The following ZNF565 variants were observed in gnomAD, a reference collection of about 807,000 sequenced individuals.
ZNF565 encodes the protein zinc finger protein 565.
Under a neutral mutation model 39.4 loss-of-function variants are expected in ZNF565, and 27 were observed. The observed-to-expected ratio is 0.69, with a 90% CI of 0.51 to 0.95. The LOEUF is 0.95. ZNF565 is among the 40% of genes least tolerant of loss of function. The pLI is 0.00. For synonymous variants in ZNF565, 185 were observed against 216.6 expected, an observed-to-expected ratio of 0.85 and a Z score of 1.28; for missense variants, 524 against 621.1, an observed-to-expected ratio of 0.84 and a Z score of 1.66.
chr19:36,183,233 G>C lies in ZNF565; in HGVS notation c.733C>G (p.His245Asp). Residue 245 changes from histidine to aspartate, a missense_variant, in exon 5 of 5, where the codon CAT becomes GAT. His to Asp is a moderately conservative substitution (Grantham distance 81, BLOSUM62 -1). Coordinates refer to ENST00000304116, the MANE Select transcript of ZNF565 (RefSeq NM_152477.5). Reference sequence around the variant, plus strand: ...CATTCATAAGGTTTGACACCAGTATGAAGTCTCTGATGTAGAATAAGTTCT... The same window carrying C: ...CATTCATAAGGTTTGACACCAGTATCAAGTCTCTGATGTAGAATAAGTTCT... Reference protein sequence around the residue: ...TSELILHQRLHTGVKPYECKE... With the variant: ...TSELILHQRLDTGVKPYECKE... 6.2e-7 allele frequency: 1 copy of C among 1,614,100 alleles called. No homozygotes were observed. The highest frequency in any genetic ancestry group is 8.5e-7 in the Non-Finnish European group (1 of 1,180,042).
At chr19:36,192,165 T>A (rs1975579731) in intron 4 of ZNF565, among the ~76,000 whole-genome samples, 1 of 151,980 alleles carries the variant, frequency 6.6e-6, no homozygotes, top group Non-Finnish European at 1.5e-5. Flanking sequence ...ATTTTTATAT[T>A]TTCAGTAGAG....
intron 1 of ZNF565, among the ~76,000 whole-genome samples, chr19:36,227,834 T>A (rs1165089167): frequency 1.3e-5 from 2 of 152,132 alleles, no homozygotes; most frequent in African/African-American, 4.8e-5. Context: ...GGATTATAGG[T>A]GTGAGCCACT....
At chr19:36,241,069 G>C (rs142767634) in intron 1 of ZNF565, among the ~76,000 whole-genome samples, 18 of 152,248 alleles carry the variant, frequency 1.2e-4, no homozygotes, top group African/African-American at 4.1e-4. Flanking sequence ...ATATGTTCTT[G>C]TTCCTTATAC....
At chr19:36,222,282 A>C (rs1202818138) in intron 1 of ZNF565, among the ~76,000 whole-genome samples, 4 of 152,190 alleles carry the variant, frequency 2.6e-5, no homozygotes, top group Non-Finnish European at 5.9e-5. Flanking sequence ...CTGCTGTATA[A>C]ATAAGATGTC....
chr19:36,201,184 C>T (rs1203898547), intron 2 of ZNF565, among the ~76,000 whole-genome samples: 1 of 151,946 alleles, frequency 6.6e-6, no homozygotes, highest in Non-Finnish European at 1.5e-5. Flanking sequence ...TGGCTCTGGT[C>T]CTAGCTACTT....
intron 3 of ZNF565, chr19:36,194,657 T>G: frequency 4.3e-6 from 2 of 461,200 alleles, no homozygotes; most frequent in Non-Finnish European, 8.0e-6. Flanking sequence ...CTCCAATCTA[T>G]TCCTTGATGC....
At chr19:36,233,934 G>A (rs1300823757) in intron 1 of ZNF565, among the ~76,000 whole-genome samples, 2 of 152,080 alleles carry the variant, frequency 1.3e-5, no homozygotes, top group Non-Finnish European at 2.9e-5. Context: ...ACTGGGGGAC[G>A]GTCAGGTCTT....
chr19:36,186,272 T>G (rs1401681393), intron 4 of ZNF565, among the ~76,000 whole-genome samples: 3 of 152,220 alleles, frequency 2.0e-5, no homozygotes. Context: ...GTATTGGGAT[T>G]ACAGGCGTCA....
chr19:36,244,226 T>G (rs1332998077), intron 1 of ZNF565, among the ~76,000 whole-genome samples: 2 of 152,168 alleles, frequency 1.3e-5, no homozygotes, highest in South Asian at 2.1e-4. Context: ...TCTGGTCTTG[T>G]GAAAACGTGC....
intron 1 of ZNF565, among the ~76,000 whole-genome samples, chr19:36,221,406 A>G (rs1438407635): frequency 6.8e-6 from 1 of 146,682 alleles, no homozygotes. Flanking sequence ...CTTCTGCCTC[A>G]GCCTCCCGAG....
At chr19:36,190,991 C>CAAAA (rs58218863) in intron 4 of ZNF565, among the ~76,000 whole-genome samples, 1 of 79,336 alleles carries the variant, frequency 1.3e-5, no homozygotes, top group African/African-American at 4.2e-5. Context: ...GACTCTGTCT[C>CAAAA]AAAAAAAAAA....
At chr19:36,208,874 T>A (rs1039420453) in intron 1 of ZNF565, among the ~76,000 whole-genome samples, 10 of 152,118 alleles carry the variant, frequency 6.6e-5, no homozygotes, top group Non-Finnish European at 1.3e-4. Context: ...ATTCTGTCAC[T>A]CAGGCTGCAG....
intron 4 of ZNF565, among the ~76,000 whole-genome samples, chr19:36,190,715 G>C (rs1250690460): frequency 6.6e-6 from 1 of 152,056 alleles, no homozygotes; most frequent in Admixed American, 6.6e-5. Flanking sequence ...AGGTGCGGTG[G>C]CTCATGCCTG....
chr19:36,235,738 C>G (rs1342078474), intron 1 of ZNF565: 4 of 152,214 alleles, frequency 2.6e-5, no homozygotes, highest in African/African-American at 4.8e-5. Flanking sequence ...CATGTTGATC[C>G]ATCTCCAGGA....
At chr19:36,243,988 C>T (rs536880500) in intron 1 of ZNF565, among the ~76,000 whole-genome samples, 2 of 152,312 alleles carry the variant, frequency 1.3e-5, no homozygotes, top group African/African-American at 4.8e-5. Flanking sequence ...AGGTGTGAAC[C>T]ACCACACCCA....
chr19:36,206,030 C>T (rs1460980653), intron 1 of ZNF565, among the ~76,000 whole-genome samples: 1 of 151,358 alleles, frequency 6.6e-6, no homozygotes, highest in African/African-American at 2.4e-5. Context: ...GACGAGCTCT[C>T]GGCTCACTGC....
At chr19:36,230,870 C>G (rs1012981661) in intron 1 of ZNF565, among the ~76,000 whole-genome samples, 1 of 152,060 alleles carries the variant, frequency 6.6e-6, no homozygotes, top group African/African-American at 2.4e-5. Context: ...GGTGCGATCT[C>G]GGCTCACTGC....
chr19:36,208,764 T>C (rs1976246481), intron 1 of ZNF565, among the ~76,000 whole-genome samples: 1 of 152,166 alleles, frequency 6.6e-6, no homozygotes, highest in Non-Finnish European at 1.5e-5. Flanking sequence ...ATCTTAACCT[T>C]AGTAATCTCT....
chr19:36,219,767 G>T (rs12463236), intron 1 of ZNF565, among the ~76,000 whole-genome samples: 26,050 of 151,718 alleles, frequency 0.17, 2,528 homozygotes, highest in Non-Finnish European at 0.22. Flanking sequence ...TGTTTTTTTT[G>T]TTGTTGTTGT....
Sources: allele counts gnomAD v4.1 joint callset (sites outside exome capture counted in the v4.1 genomes callset), GRCh38; gene constraint gnomAD v4.1.1; transcripts MANE v1.5; gene names NCBI Gene and HGNC (gene_info 2026-07-23, HGNC 2026-07-21).